FAM3B: variants seen among roughly 807,000 people sequenced by gnomAD.
FAM3B encodes the protein protein FAM3B.
Under a neutral mutation model 28.4 loss-of-function variants are expected in FAM3B, and 29 were observed. The ratio of observed to expected loss-of-function variants is 1.02; its 90% CI spans 0.76 to 1.39. The LOEUF (loss-of-function observed/expected upper bound fraction) is 1.39. Ranked by LOEUF, FAM3B falls within the 40% of genes most tolerant of loss-of-function variation. FAM3B has a pLI of 0.00. For missense variants in FAM3B, 266 were observed against 293.9 expected, an observed-to-expected ratio of 0.91 and a Z score of 0.69; for synonymous variants, 91 against 103.0, an observed-to-expected ratio of 0.88 and a Z score of 0.71.
chr21:41,322,363 T>C (rs1418867543), intron 1 of FAM3B, among the ~76,000 whole-genome samples: 1 of 152,140 alleles, frequency 6.6e-6, no homozygotes, highest in Non-Finnish European at 1.5e-5. Context: ...TCCGGGATGA[T>C]AGAACAGGTT....
At chr21:41,329,907 TG>T (rs1475903644) in intron 2 of FAM3B, among the ~76,000 whole-genome samples, 1 of 152,156 alleles carries the variant, frequency 6.6e-6, no homozygotes, top group Non-Finnish European at 1.5e-5. Flanking sequence ...TGAAAGCTCT[TG>T]ATTTCATAAG....
At chr21:41,352,222 G>C (rs2089127043) in intron 7 of FAM3B, among the ~76,000 whole-genome samples, 2 of 152,272 alleles carry the variant, frequency 1.3e-5, no homozygotes, top group South Asian at 4.1e-4. Context: ...CCACTATGCT[G>C]GCTCTGTTCA....
chr21:41,355,586 A>G (rs1055232288), intron 7 of FAM3B, among the ~76,000 whole-genome samples: 1 of 142,810 alleles, frequency 7.0e-6, no homozygotes, highest in African/African-American at 2.5e-5. Flanking sequence ...CAAACACAAA[A>G]GGTCACATAT....
intron 7 of FAM3B, among the ~76,000 whole-genome samples, chr21:41,352,850 T>G (rs1375267080): frequency 1.4e-5 from 2 of 143,516 alleles, no homozygotes; most frequent in African/African-American, 5.8e-5. Context: ...ACTATTTCTG[T>G]TTGCAGGTGA....
At position 41,308,488 on chromosome 21, in the gene FAM3B, C is replaced by T. The variant is rs543855361; in HGVS notation, n.99+4178C>T. On this transcript the variant is annotated intron_variant and non_coding_transcript_variant, in intron 1 of 9. Coordinates refer to the FAM3B transcript ENST00000479810. ...GAGTGAAAAGCAGTAGCAAAGGCAA[C>T]GAGTTTGGGTGCCAGTCTTTTGATT... Among the ~76,000 whole-genome samples the T allele has an allele frequency of 2.6e-5, 4 of 151,468 alleles. No individual in the cohort carries two copies. The South Asian group carries it at 8.3e-4, about 32-fold the overall frequency.
At chr21:41,352,291 C>T (rs2089127795) in intron 7 of FAM3B, among the ~76,000 whole-genome samples, 1 of 152,154 alleles carries the variant, frequency 6.6e-6, no homozygotes, top group Non-Finnish European at 1.5e-5. Flanking sequence ...CACATGCCTC[C>T]CTCCATGCAG....
intron 1 of FAM3B, among the ~76,000 whole-genome samples, chr21:41,309,294 C>T (rs1270377065): frequency 6.6e-6 from 1 of 152,222 alleles, no homozygotes; most frequent in Non-Finnish European, 1.5e-5. Context: ...ACCATAATAG[C>T]TTCAGCCTCC....
At chr21:41,317,839 A>G (rs1427409097) in intron 1 of FAM3B, among the ~76,000 whole-genome samples, 1 of 152,052 alleles carries the variant, frequency 6.6e-6, no homozygotes, top group Admixed American at 6.6e-5. Flanking sequence ...ACCATTCCCA[A>G]ATGTAGGAAA....
chr21:41,325,678 A>G (rs1418099760), intron 2 of FAM3B, among the ~76,000 whole-genome samples: 4 of 152,188 alleles, frequency 2.6e-5, no homozygotes, highest in African/African-American at 4.8e-5. Context: ...AACGGTCACT[A>G]TGGTTTCTTT....
At chr21:41,318,590 T>G (rs2088771898) in intron 1 of FAM3B, among the ~76,000 whole-genome samples, 1 of 152,194 alleles carries the variant, frequency 6.6e-6, no homozygotes, top group Admixed American at 6.6e-5. Flanking sequence ...CCAAAGGCAG[T>G]GAGTCCCAAA....
intron 1 of FAM3B, among the ~76,000 whole-genome samples, chr21:41,310,321 G>A (rs2088702451): frequency 6.6e-6 from 1 of 152,092 alleles, no homozygotes. Context: ...AGCCTGTGGG[G>A]TCACTGTCTG....
chr21:41,316,823 T>G lies in FAM3B; in HGVS notation c.-57T>G. Reference sequence around the variant, plus strand: ...TGCCTTCCTGACCCAGGGGCTCCGCTGGCTGCGGTCGCCTGGGAGCTGCCG... The same window carrying G: ...TGCCTTCCTGACCCAGGGGCTCCGCGGGCTGCGGTCGCCTGGGAGCTGCCG... On this transcript the variant is annotated 5_prime_UTR_variant, in exon 1 of 8. Coordinates refer to ENST00000357985, the MANE Select transcript of FAM3B (RefSeq NM_058186.4). The G allele has an allele frequency of 7.0e-7, 1 of 1,422,454 alleles. No individual in the cohort carries two copies. 88.1% of individuals were successfully genotyped at this position (1,422,454 alleles called of 1,614,324 possible). A position where few individuals can be genotyped will look rare whatever the true frequency, so the allele number is the denominator to read the frequency against.
At chr21:41,307,602 G>A (rs2088689030) in intron 1 of FAM3B, among the ~76,000 whole-genome samples, 1 of 152,172 alleles carries the variant, frequency 6.6e-6, no homozygotes, top group African/African-American at 2.4e-5. Flanking sequence ...ATGTGTGACT[G>A]TTTCACTTGA....
At chr21:41,329,701 C>T (rs1410860275) in intron 2 of FAM3B, among the ~76,000 whole-genome samples, 4 of 152,062 alleles carry the variant, frequency 2.6e-5, no homozygotes, top group Admixed American at 2.6e-4. Flanking sequence ...TCCCAAGTAG[C>T]TGGGATTACA....
chr21:41,312,377 T>G (rs2088720122), upstream of FAM3B, among the ~76,000 whole-genome samples: 1 of 152,184 alleles, frequency 6.6e-6, no homozygotes, highest in African/African-American at 2.4e-5. Flanking sequence ...AGTGCACAGT[T>G]GAAAGCTCCA....
intron 7 of FAM3B, among the ~76,000 whole-genome samples, chr21:41,352,986 CA>C (rs1249426570): frequency 6.6e-6 from 1 of 151,990 alleles, no homozygotes; most frequent in Non-Finnish European, 1.5e-5. Flanking sequence ...ATACAAAAAT[CA>C]ATGGAAAAAC....
chr21:41,310,001 C>T (rs977223073), intron 1 of FAM3B, among the ~76,000 whole-genome samples: 3 of 152,198 alleles, frequency 2.0e-5, no homozygotes, highest in African/African-American at 7.2e-5. Flanking sequence ...TCTGCCAAGC[C>T]AGAGTTCACA....
intron 1 of FAM3B, among the ~76,000 whole-genome samples, chr21:41,310,338 G>T (rs185570156): frequency 3.3e-5 from 5 of 152,056 alleles, no homozygotes; most frequent in Admixed American, 2.6e-4. Flanking sequence ...TCTGTCCTCT[G>T]CTCATTTGTG....
At chr21:41,353,354 G>T (rs978273930) in intron 7 of FAM3B, among the ~76,000 whole-genome samples, 1 of 152,130 alleles carries the variant, frequency 6.6e-6, no homozygotes, top group African/African-American at 2.4e-5. Context: ...AACAAAAACA[G>T]TCTTGAAAAA....
Sources: gnomAD v4.1 joint callset for allele counts (sites outside exome capture counted in the v4.1 genomes callset) on GRCh38, gnomAD v4.1.1 for gene constraint, MANE v1.5 for transcripts, NCBI Gene and HGNC (gene_info 2026-07-23, HGNC 2026-07-21) for gene names.